RAC1: variants seen among roughly 807,000 people sequenced by gnomAD.
RAC1 encodes Rac family small GTPase 1.
Under a neutral mutation model 25.2 loss-of-function variants are expected in RAC1, and 2 were observed. The ratio of observed to expected loss-of-function variants is 0.08; its 90% CI spans 0.03 to 0.25. The LOEUF (loss-of-function observed/expected upper bound fraction) is 0.25. Ranked by LOEUF, RAC1 falls within the 10% of genes least tolerant of loss-of-function variation. The pLI is 1.00. For synonymous variants in RAC1, 88 were observed against 94.0 expected (o/e 0.94, Z 0.37); for missense variants, 50 against 235.7 (o/e 0.21, Z 5.16).
At chr7:6,401,179 C>T (rs1387172728) in intron 4 of RAC1, among the ~76,000 whole-genome samples, 2 of 152,300 alleles carry the variant, frequency 1.3e-5, no homozygotes, top group East Asian at 3.9e-4. Flanking sequence ...TGGTCTCGAA[C>T]CCCTGGCCTC....
rs915629671 is a variant in RAC1 at position 6,374,888 on chromosome 7, C to T, written c.35+118C>T. 2.5e-5 allele frequency: 21 copies of T among 854,742 alleles called. No homozygotes were observed. The Admixed American group carries it at 1.0e-3, about 42-fold the overall frequency. 52.9% of individuals were successfully genotyped at this position (854,742 alleles called of 1,614,324 possible). A position where few individuals can be genotyped will look rare whatever the true frequency, so the allele number is the denominator to read the frequency against. On this transcript the variant is annotated intron_variant, in intron 1 of 5. Coordinates refer to ENST00000348035, the MANE Select transcript of RAC1 (RefSeq NM_006908.5). ...CCGCGGTCTCGCGTAGGCGGTGGGC[C>T]TGGGCCTGTGTCGCGGGGCGGGGGC...
chr7:6,394,961 TCTC>T (rs1369584548), intron 3 of RAC1, among the ~76,000 whole-genome samples: 1 of 152,146 alleles, frequency 6.6e-6, no homozygotes, highest in Admixed American at 6.5e-5. Flanking sequence ...TTCACGCCAT[TCTC>T]CTGCCTCAGC....
chr7:6,393,232 T>G (rs1004088263), intron 3 of RAC1, among the ~76,000 whole-genome samples: 1 of 152,252 alleles, frequency 6.6e-6, no homozygotes, highest in African/African-American at 2.4e-5. Context: ...TGGTTAAGTC[T>G]GCTGTATTAA....
chr7:6,396,688 A>T (rs553129292), intron 3 of RAC1, among the ~76,000 whole-genome samples: 19 of 152,314 alleles, frequency 1.2e-4, no homozygotes, highest in African/African-American at 4.3e-4. Context: ...CCCATAGATG[A>T]AACCCAGATA....
intron 3 of RAC1, among the ~76,000 whole-genome samples, chr7:6,396,891 G>A (rs190687065): frequency 0.023 from 3,472 of 152,120 alleles, 152 homozygotes; most frequent in African/African-American, 0.079. Context: ...TTAGCCGGGC[G>A]TGGTGGCGGG....
intron 1 of RAC1, among the ~76,000 whole-genome samples, chr7:6,381,300 A>T (rs1406594781): frequency 6.6e-6 from 1 of 152,100 alleles, no homozygotes; most frequent in African/African-American, 2.4e-5. Flanking sequence ...TTCAGACTTC[A>T]GCTCAGTTGT....
intron 2 of RAC1, 104 bp from the exon 3 acceptor site, chr7:6,391,820 C>T (rs569680404): frequency 1.6e-5 from 25 of 1,567,078 alleles, no homozygotes; most frequent in East Asian, 2.3e-5. Flanking sequence ...TGGCAGCCTC[C>T]AGGCCCGTCC....
chr7:6,388,419 C>G (rs944772527), intron 2 of RAC1, among the ~76,000 whole-genome samples: 1 of 146,208 alleles, frequency 6.8e-6, no homozygotes, highest in African/African-American at 2.5e-5. Flanking sequence ...GATCTCAGCT[C>G]ACTGCAGCGT....
rs777327497 is a variant in RAC1 at position 6,402,309 on chromosome 7, C to T, written c.449-7C>T. 1 of 1,601,982 alleles carries T rather than the reference C, an allele frequency of 6.2e-7. No homozygotes were observed. The highest frequency in any genetic ancestry group is 8.5e-7 in the Non-Finnish European group (1 of 1,174,502). ...TGTACATTGCCGTGTGGTCGTGTTT[C>T]CTGTAGGTGCTGTAAAATACCTGGA... On this transcript the variant is annotated splice_region_variant and splice_polypyrimidine_tract_variant and intron_variant, in intron 5 of 5. Coordinates refer to ENST00000348035, the MANE Select transcript of RAC1 (RefSeq NM_006908.5).
intron 3 of RAC1, among the ~76,000 whole-genome samples, chr7:6,397,369 A>T (rs1458824569): frequency 6.6e-6 from 1 of 151,828 alleles, no homozygotes; most frequent in African/African-American, 2.4e-5. Context: ...ATCTCGCCTC[A>T]CTGCAACCTC....
rs1431395949 is a variant in RAC1, at chr7:6,402,038, C to A, written c.448+11C>A. The A allele has an allele frequency of 6.2e-7, 1 of 1,611,052 alleles. No homozygotes were observed. Among genetic ancestry groups the A allele is most frequent in the Non-Finnish European group, 8.5e-7 (1 of 1,178,594 alleles). Reference sequence around the variant, plus strand: ...TGGCTAAGGAGATTGGTATGGAATCCTGTGTTTTTCCTCCTCCTTGTACCT... The same window carrying A: ...TGGCTAAGGAGATTGGTATGGAATCATGTGTTTTTCCTCCTCCTTGTACCT... On this transcript the variant is annotated intron_variant, in intron 5 of 5. Coordinates refer to ENST00000348035, the MANE Select transcript of RAC1 (RefSeq NM_006908.5).
At chr7:6,389,911 C>G (rs1783037990) in intron 2 of RAC1, among the ~76,000 whole-genome samples, 1 of 151,842 alleles carries the variant, frequency 6.6e-6, no homozygotes, top group African/African-American at 2.4e-5. Context: ...TTTTTTCTTA[C>G]TGATGGAACA....
At chr7:6,394,702 C>CA (rs1169408210) in intron 3 of RAC1, among the ~76,000 whole-genome samples, 1 of 151,808 alleles carries the variant, frequency 6.6e-6, no homozygotes, top group Non-Finnish European at 1.5e-5. Context: ...TTGTTTGAGA[C>CA]AGAGTTTCGC....
chr7:6,379,460 A>G (rs2115183943), intron 1 of RAC1, among the ~76,000 whole-genome samples: 1 of 152,100 alleles, frequency 6.6e-6, no homozygotes, highest in South Asian at 2.1e-4. Context: ...TTTAATAGAG[A>G]CGAGGTTTCT....
chr7:6,402,930 G>A lies in RAC1; in HGVS notation c.*484G>A, dbSNP rs1019483691. Reference sequence around the variant, plus strand: ...AGCAGAACAGCCTCCCGAATGAAGCGTTGCCATTGAACTCACCAGTGAGTT... The same window carrying A: ...AGCAGAACAGCCTCCCGAATGAAGCATTGCCATTGAACTCACCAGTGAGTT... On this transcript the variant is annotated 3_prime_UTR_variant, in exon 6 of 6. Coordinates refer to ENST00000348035, the MANE Select transcript of RAC1 (RefSeq NM_006908.5). The A allele has an allele frequency of 5.8e-5, 11 of 190,928 alleles. No individual in the cohort carries two copies. The highest frequency in any genetic ancestry group is 2.5e-4 in the East Asian group (3 of 11,976). The allele number at this position is 190,928 out of a possible 1,614,324, so 11.8% of individuals were successfully genotyped here. A position where few individuals can be genotyped will look rare whatever the true frequency, so the allele number is the denominator to read the frequency against.
intron 2 of RAC1, 37 bp downstream of exon 2, chr7:6,387,320 T>C (rs751855771): frequency 7.2e-7 from 1 of 1,384,482 alleles, no homozygotes; most frequent in Admixed American, 2.2e-5. Flanking sequence ...CTGTTTGTGT[T>C]ACGGGTTTCA....
At chr7:6,375,662 C>T (rs1381703377) in intron 1 of RAC1, among the ~76,000 whole-genome samples, 13 of 151,004 alleles carry the variant, frequency 8.6e-5, no homozygotes, top group Non-Finnish European at 1.6e-4. Context: ...TTTTTCTTTT[C>T]TTTCTTTCTT....
intron 1 of RAC1, among the ~76,000 whole-genome samples, chr7:6,375,355 C>G (rs372960058): frequency 6.6e-6 from 1 of 152,010 alleles, no homozygotes; most frequent in Non-Finnish European, 1.5e-5. Flanking sequence ...CTCCAAAATG[C>G]TGGGATTACA....
chr7:6,390,096 C>CCCTTT (rs1554263519), intron 2 of RAC1, among the ~76,000 whole-genome samples: 5 of 74,922 alleles, frequency 6.7e-5, no homozygotes, highest in South Asian at 6.6e-4. Flanking sequence ...CCCTCCCTCC[C>CCCTTT]TTTTTTTTTT....
Sources: gnomAD v4.1 joint callset for allele counts (sites outside exome capture counted in the v4.1 genomes callset) on GRCh38, gnomAD v4.1.1 for gene constraint, MANE v1.5 for transcripts, NCBI Gene and HGNC (gene_info 2026-07-23, HGNC 2026-07-21) for gene names.